DYNC1I1: variants seen among roughly 807,000 people sequenced by gnomAD.
DYNC1I1 encodes the protein dynein cytoplasmic 1 intermediate chain 1, also known as cytoplasmic dynein 1 intermediate chain 1.
A neutral mutation model predicts 86.6 loss-of-function variants in DYNC1I1; 43 were observed. The ratio of observed to expected loss-of-function variants is 0.50; its 90% CI spans 0.39 to 0.64. The LOEUF (loss-of-function observed/expected upper bound fraction) is 0.64. Ranked by LOEUF, DYNC1I1 falls within the 30% of genes least tolerant of loss-of-function variation. The probability of loss-of-function intolerance (pLI) is 0.00; values close to 1 mark genes in which losing one functional copy is unlikely to be tolerated. For synonymous variants in DYNC1I1, 262 were observed against 283.7 expected, an observed-to-expected ratio of 0.92 and a Z score of 0.77; for missense variants, 604 against 788.8, an observed-to-expected ratio of 0.77 and a Z score of 2.81.
chr7:96,075,256 C>T (rs970132805), intron 14 of DYNC1I1, among the ~76,000 whole-genome samples: 5 of 152,134 alleles, frequency 3.3e-5, no homozygotes, highest in East Asian at 1.9e-4. Context: ...GGAGTGGAAG[C>T]ATTTGTATGC....
chr7:95,894,182 G>A (rs1207206516), intron 6 of DYNC1I1, among the ~76,000 whole-genome samples: 1 of 151,724 alleles, frequency 6.6e-6, no homozygotes, highest in Non-Finnish European at 1.5e-5. Flanking sequence ...ATGCTATAAT[G>A]AGACACCATA....
intron 1 of DYNC1I1, among the ~76,000 whole-genome samples, chr7:95,786,112 T>C (rs1178433915): frequency 6.6e-6 from 1 of 152,058 alleles, no homozygotes; most frequent in Non-Finnish European, 1.5e-5. Flanking sequence ...AACTTTCTTC[T>C]GAAGCAGGGC....
chr7:95,811,279 T>A (rs1021007730), intron 3 of DYNC1I1, among the ~76,000 whole-genome samples: 5 of 152,134 alleles, frequency 3.3e-5, no homozygotes, highest in Non-Finnish European at 5.9e-5. Context: ...TTAAGATTAA[T>A]CCTAGGGTGT....
At chr7:95,937,099 C>G in intron 6 of DYNC1I1, among the ~76,000 whole-genome samples, 1 of 151,938 alleles carries the variant, frequency 6.6e-6, no homozygotes, top group East Asian at 1.9e-4. Context: ...TACCTTATCT[C>G]ACTTATATGT....
At chr7:95,929,228 C>T (rs745535743) in intron 6 of DYNC1I1, among the ~76,000 whole-genome samples, 3 of 152,110 alleles carry the variant, frequency 2.0e-5, no homozygotes, top group Non-Finnish European at 4.4e-5. Flanking sequence ...TTTCCTTCAC[C>T]CTGTATTTAT....
chr7:95,878,495 G>A (rs529788524), intron 6 of DYNC1I1, among the ~76,000 whole-genome samples: 1 of 152,052 alleles, frequency 6.6e-6, no homozygotes, highest in Non-Finnish European at 1.5e-5. Context: ...AAAAGAATTA[G>A]CAAACTTCAA....
At chr7:95,791,130 A>C (rs539268618) in intron 1 of DYNC1I1, among the ~76,000 whole-genome samples, 3 of 152,174 alleles carry the variant, frequency 2.0e-5, no homozygotes, top group Non-Finnish European at 4.4e-5. Context: ...ATCTGAATTA[A>C]ATAATATTTA....
At chr7:95,795,242 C>A (rs1463962674) in intron 1 of DYNC1I1, among the ~76,000 whole-genome samples, 1 of 151,840 alleles carries the variant, frequency 6.6e-6, no homozygotes, top group Non-Finnish European at 1.5e-5. Context: ...TAAGTAAACA[C>A]TGGAAGGAAA....
chr7:95,917,160 C>T (rs1342585540), intron 6 of DYNC1I1, among the ~76,000 whole-genome samples: 2 of 152,130 alleles, frequency 1.3e-5, no homozygotes, highest in South Asian at 2.1e-4. Context: ...TGCCAGTTAT[C>T]CCCTGACCTG....
chr7:95,967,286 G>A (rs1380595782), intron 6 of DYNC1I1, among the ~76,000 whole-genome samples: 1 of 152,188 alleles, frequency 6.6e-6, no homozygotes, highest in Admixed American at 6.5e-5. Flanking sequence ...CAACTGAAGT[G>A]CTATGAGAGG....
chr7:96,003,332 A>G (rs778020858), intron 10 of DYNC1I1, among the ~76,000 whole-genome samples: 6 of 152,348 alleles, frequency 3.9e-5, no homozygotes, highest in East Asian at 1.9e-4. Flanking sequence ...ACATGGCTAC[A>G]ATGAATTATT....
chr7:96,061,061 G>A (rs978420029), intron 14 of DYNC1I1, among the ~76,000 whole-genome samples: 36 of 152,160 alleles, frequency 2.4e-4, no homozygotes, highest in African/African-American at 7.0e-4. Flanking sequence ...GACCCTTTGC[G>A]AGGAGAGAGA....
At chr7:95,808,234 T>G (rs1794747216) in intron 2 of DYNC1I1, among the ~76,000 whole-genome samples, 1 of 152,156 alleles carries the variant, frequency 6.6e-6, no homozygotes. Flanking sequence ...TTTATAAACT[T>G]TCTTTAGGCT....
intron 5 of DYNC1I1, among the ~76,000 whole-genome samples, chr7:95,859,829 G>A (rs1258562571): frequency 1.3e-5 from 2 of 152,144 alleles, no homozygotes; most frequent in African/African-American, 4.8e-5. Flanking sequence ...GGTCATGAGG[G>A]CCTGCCTGGT....
chr7:95,852,086 GTTC>G (rs1430726836), intron 5 of DYNC1I1, among the ~76,000 whole-genome samples: 1 of 152,114 alleles, frequency 6.6e-6, no homozygotes, highest in Non-Finnish European at 1.5e-5. Context: ...ATTGCTATTA[GTTC>G]TTCTTTAAAT....
chr7:96,076,591 G>A (rs148791921), intron 15 of DYNC1I1, among the ~76,000 whole-genome samples: 1 of 152,266 alleles, frequency 6.6e-6, no homozygotes, highest in East Asian at 1.9e-4. Context: ...TTTTAAAAAG[G>A]GCTATTTGTC....
intron 5 of DYNC1I1, among the ~76,000 whole-genome samples, chr7:95,845,113 T>C (rs1487485332): frequency 6.6e-6 from 1 of 152,234 alleles, no homozygotes; most frequent in African/African-American, 2.4e-5. Flanking sequence ...CTCACTGTTA[T>C]AATTTTTGCA....
chr7:95,796,828 G>A (rs1794449976), intron 1 of DYNC1I1, among the ~76,000 whole-genome samples: 1 of 151,810 alleles, frequency 6.6e-6, no homozygotes, highest in African/African-American at 2.4e-5. Flanking sequence ...AGAAACATTA[G>A]GGATCTGTAA....
chr7:95,904,543 C>G (rs1013989469), intron 6 of DYNC1I1, among the ~76,000 whole-genome samples: 1 of 151,952 alleles, frequency 6.6e-6, no homozygotes, highest in Non-Finnish European at 1.5e-5. Flanking sequence ...AGAACATTCT[C>G]TTAGGATTTG....
Sources: allele counts gnomAD v4.1 joint callset (sites outside exome capture counted in the v4.1 genomes callset), GRCh38; gene constraint gnomAD v4.1.1; transcripts MANE v1.5; gene names NCBI Gene and HGNC (gene_info 2026-07-23, HGNC 2026-07-21).